PXDNL: variants seen among roughly 807,000 people sequenced by gnomAD.
PXDNL encodes the protein peroxidasin like, also known as probable oxidoreductase PXDNL.
PXDNL carries 145 observed loss-of-function variants against 150.8 expected under a neutral mutation model. That is an observed-to-expected ratio of 0.96 (90% CI 0.84 to 1.10). The LOEUF (loss-of-function observed/expected upper bound fraction) is 1.10. PXDNL is among the 50% of genes least tolerant of loss of function. The pLI, the probability that PXDNL is intolerant of heterozygous loss-of-function variation, is 0.00. For synonymous variants in PXDNL, 757 were observed against 725.7 expected (o/e 1.04, Z -0.69); for missense variants, 2,087 against 1,873.9 (o/e 1.11, Z -2.10).
Position 51,472,174 on chromosome 8 carries a change from GCTCAGTATTTA to G in PXDNL, c.812+2_812+12del. The G allele has an allele frequency of 6.5e-7, 1 of 1,534,736 alleles. No individual in the cohort carries two copies. Among genetic ancestry groups the G allele is most frequent in the Non-Finnish European group, 9.0e-7 (1 of 1,108,704 alleles). ...AAGGAGAATCACAACCCATGTCCAT[GCTCAGTATTTA>G]CTTGTTGTGTATCCAAATAATCTCA... On this transcript the variant is annotated splice_donor_variant and splice_donor_5th_base_variant and intron_variant, in intron 8 of 22. Coordinates refer to ENST00000356297, the MANE Select transcript of PXDNL (RefSeq NM_144651.5). LOFTEE classifies it high-confidence loss of function.
intron 1 of PXDNL, among the ~76,000 whole-genome samples, chr8:51,734,736 G>C (rs1816999669): frequency 6.6e-6 from 1 of 152,082 alleles, no homozygotes; most frequent in African/African-American, 2.4e-5. Flanking sequence ...AAACCTCCAA[G>C]GAAAATTAAA....
chr8:51,717,799 G>C (rs1816645333), intron 1 of PXDNL, among the ~76,000 whole-genome samples: 1 of 152,178 alleles, frequency 6.6e-6, no homozygotes, highest in African/African-American at 2.4e-5. Flanking sequence ...GAGTATTTGT[G>C]GTCAGGCAGT....
Position 51,411,380 on chromosome 8 carries a change from C to G in PXDNL, c.1932G>C (p.Leu644=), listed in dbSNP as rs1160906645. 3 of 1,573,094 alleles carry G rather than the reference C, an allele frequency of 1.9e-6. No homozygotes were observed. Among genetic ancestry groups the G allele is most frequent in the African/African-American group, 2.8e-5 (2 of 72,380 alleles). The change falls in exon 16 of 23, where the codon CTG becomes CTC. Residue 644 remains leucine (L), a synonymous_variant. Coordinates refer to ENST00000356297, the MANE Select transcript of PXDNL (RefSeq NM_144651.5). ...GGTCACGCGGGTAATGAAATTGAGC[C>G]AGCAGGTCACTGGAGGTGTGAGGTT... ...SQKPHTSSDL[L]AQFHYPRDPL... is the part of the protein sequence containing the mutation.
chr8:51,359,354 A>G (rs923957172), intron 19 of PXDNL, among the ~76,000 whole-genome samples: 2 of 152,246 alleles, frequency 1.3e-5, no homozygotes, highest in Admixed American at 1.3e-4. Flanking sequence ...ACAGATGATC[A>G]GATGATGTTG....
chr8:51,730,598 G>A (rs1371689941), intron 1 of PXDNL, among the ~76,000 whole-genome samples: 2 of 152,086 alleles, frequency 1.3e-5, no homozygotes, highest in Admixed American at 6.5e-5. Flanking sequence ...AACGGAAGAA[G>A]GCAGAAAAGT....
chr8:51,400,078 G>A (rs990863065), intron 17 of PXDNL, among the ~76,000 whole-genome samples: 12 of 152,158 alleles, frequency 7.9e-5, no homozygotes, highest in Admixed American at 3.3e-4. Flanking sequence ...TTTACATACA[G>A]GTTGTGAGTA....
chr8:51,379,830 TATG>T (rs1321450039), intron 17 of PXDNL, among the ~76,000 whole-genome samples: 1 of 152,188 alleles, frequency 6.6e-6, no homozygotes, highest in Non-Finnish European at 1.5e-5. Context: ...GATTTTCATA[TATG>T]ATATGAGATC....
intron 2 of PXDNL, among the ~76,000 whole-genome samples, chr8:51,645,176 G>A (rs1159277513): frequency 6.6e-6 from 1 of 152,096 alleles, no homozygotes; most frequent in Non-Finnish European, 1.5e-5. Flanking sequence ...TCCCAGCTCA[G>A]CATTCAGGCA....
rs533160807 is a variant in PXDNL at position 51,634,380 on chromosome 8, T to C, written c.236+20309A>G. Among the ~76,000 whole-genome samples the C allele has an allele frequency of 3.4e-4, 52 of 152,312 alleles. 2 individuals are homozygous for C. In the South Asian group the frequency reaches 8.5e-3, roughly 25 times the overall value. ...CAGTACCATGCTGTTTTGGTTACTA[T>C]AGCCTCATAATATAGTTTGAAGTTG... On this transcript the variant is annotated intron_variant, in intron 2 of 22. Coordinates refer to ENST00000356297, the MANE Select transcript of PXDNL (RefSeq NM_144651.5).
chr8:51,432,776 T>C (rs1006281331), intron 12 of PXDNL, among the ~76,000 whole-genome samples: 1 of 152,268 alleles, frequency 6.6e-6, no homozygotes, highest in Non-Finnish European at 1.5e-5. Flanking sequence ...TGTTTGAGGA[T>C]AATCCTATTA....
At position 51,591,860 on chromosome 8, in the gene PXDNL, C is replaced by T. The variant is rs548081597; in HGVS notation, c.308+767G>A. The stretch of plus-strand genomic sequence containing the variant: ...GTCTCCATCTCCTGACCTCGTGATC[C>T]GCCCGCCTGGGCCTCCCCAAAGTGC... On this transcript the variant is annotated intron_variant, in intron 3 of 22. Coordinates refer to ENST00000356297, the MANE Select transcript of PXDNL (RefSeq NM_144651.5). Among the ~76,000 whole-genome samples the T allele has an allele frequency of 8.5e-5, 13 of 152,272 alleles. No individual in the cohort carries two copies. In the South Asian group the frequency reaches 1.7e-3, roughly 19 times the overall value.
rs564997109 is a variant in PXDNL, at chr8:51,701,700, T to C, written c.165-46940A>G. On this transcript the variant is annotated intron_variant, in intron 1 of 22. Transcript: ENST00000356297. ...AATTCTCTTTTCCATTATAAATTTT[T>C]CTAATTCTTGCAAAACAAATTTTAT... Among the ~76,000 whole-genome samples, 41 of 152,352 alleles carry C rather than the reference T, an allele frequency of 2.7e-4. 1 individual carries two copies. The South Asian group carries it at 8.3e-3, about 31-fold the overall frequency.
rs1221054286 is a variant in PXDNL, at chr8:51,808,438, CTTCT to C, written c.164+739_164+742del. Among the ~76,000 whole-genome samples the C allele has an allele frequency of 2.0e-5, 3 of 151,992 alleles. 1 individual carries two copies. The highest frequency in any genetic ancestry group is 4.4e-5 in the Non-Finnish European group (3 of 67,998). ...TTTTCTTCTTTTGTGGTGATTTGCC[CTTCT>C]AATTATCTAATTATGACTTAATTTA... On this transcript the variant is annotated intron_variant, in intron 1 of 22. Coordinates refer to ENST00000356297, the MANE Select transcript of PXDNL (RefSeq NM_144651.5).
At chr8:51,339,562 C>T (rs1805929178) in intron 21 of PXDNL, 62 bp downstream of exon 21, 1 of 1,520,574 alleles carries the variant, frequency 6.6e-7, no homozygotes, top group Non-Finnish European at 9.0e-7. Flanking sequence ...CTGGACAAAT[C>T]TTTTATGTTT....
At position 51,449,038 on chromosome 8, in the gene PXDNL, C is replaced by T. The variant is rs375327076; in HGVS notation, c.1330G>A (p.Gly444Ser). Residue 444 changes from glycine (G) to serine (S), a missense_variant, in exon 11 of 23, where the codon GGC becomes AGC. By Grantham distance (56) the Gly-to-Ser change is moderately conservative. Coordinates refer to ENST00000356297, the MANE Select transcript of PXDNL (RefSeq NM_144651.5). ...HAVEWLCEAD[G>S]NPPPVIVWTK... ...CAGACAATAACAGGAGGTGGGTTGCCGTCAGCTTCACAGAGCCACTCTACA... is the reference window on the plus strand; with the variant it reads ...CAGACAATAACAGGAGGTGGGTTGCTGTCAGCTTCACAGAGCCACTCTACA... The T allele has an allele frequency of 7.1e-4, 1,106 of 1,551,832 alleles. 12 individuals carry two copies. The South Asian group carries it at 0.012, about 17-fold the overall frequency.
chr8:51,676,718 C>A (rs771560965), intron 1 of PXDNL, among the ~76,000 whole-genome samples: 1 of 152,208 alleles, frequency 6.6e-6, no homozygotes, highest in Non-Finnish European at 1.5e-5. Flanking sequence ...TCCATCTCTT[C>A]TATCACAATT....
chr8:51,332,932 A>G (rs1200651507), intron 21 of PXDNL, among the ~76,000 whole-genome samples: 1 of 152,232 alleles, frequency 6.6e-6, no homozygotes, highest in African/African-American at 2.4e-5. Flanking sequence ...TAATCGAGGA[A>G]AACTTCCCCA....
chr8:51,753,649 CAG>C (rs1238941482), intron 1 of PXDNL, among the ~76,000 whole-genome samples: 2 of 152,052 alleles, frequency 1.3e-5, no homozygotes, highest in Admixed American at 1.3e-4. Flanking sequence ...ATAAAAAGAA[CAG>C]AGAGAAATTC....
intron 20 of PXDNL, among the ~76,000 whole-genome samples, chr8:51,342,684 T>TA (rs1403114515): frequency 6.6e-6 from 1 of 152,128 alleles, no homozygotes; most frequent in African/African-American, 2.4e-5. Flanking sequence ...CAGGTCCATG[T>TA]AGTTAGTGCC....
Sources: allele counts gnomAD v4.1 joint callset (sites outside exome capture counted in the v4.1 genomes callset), GRCh38; gene constraint gnomAD v4.1.1; transcripts MANE v1.5; gene names NCBI Gene and HGNC (gene_info 2026-07-23, HGNC 2026-07-21).